Variants in APBA1 observed in about 807,000 individuals in gnomAD.
APBA1 encodes the protein amyloid beta precursor protein binding family A member 1.
APBA1 carries 55 observed loss-of-function variants against 86.6 expected under a neutral mutation model. That is an observed-to-expected ratio of 0.64 (90% CI 0.51 to 0.80). The LOEUF is 0.80. APBA1 is among the 30% of genes least tolerant of loss of function. The pLI is 0.00. For missense variants in APBA1, 1,090 were observed against 1,183.0 expected (o/e 0.92, Z 1.15); for synonymous variants, 511 against 493.9 (o/e 1.03, Z -0.46).
At chr9:69,569,828 GT>G (rs113817016) in intron 1 of APBA1, among the ~76,000 whole-genome samples, 87 of 150,226 alleles carry the variant, frequency 5.8e-4, no homozygotes, top group African/African-American at 1.0e-3. Flanking sequence ...ACTTGCTAGA[GT>G]TTTTTTTTTC....
intron 2 of APBA1, among the ~76,000 whole-genome samples, chr9:69,503,627 T>C (rs1007124152): frequency 5.9e-5 from 9 of 152,168 alleles, no homozygotes; most frequent in Non-Finnish European, 1.3e-4. Flanking sequence ...CTGAGGTAAA[T>C]AATGGAATTG....
chr9:69,449,444 AG>A, intron 10 of APBA1, 139 bp downstream of exon 10: 1 of 761,694 alleles, frequency 1.3e-6, no homozygotes, highest in Non-Finnish European at 2.2e-6. Context: ...CCTGAGTGCA[AG>A]TCCACGCCTT....
intron 1 of APBA1, among the ~76,000 whole-genome samples, chr9:69,584,911 T>C (rs1821989106): frequency 6.6e-6 from 1 of 152,210 alleles, no homozygotes; most frequent in African/African-American, 2.4e-5. Flanking sequence ...AAACTTCTGA[T>C]TACTTAGCAC....
At chr9:69,669,875 G>A (rs570709111) in intron 1 of APBA1, among the ~76,000 whole-genome samples, 1 of 152,284 alleles carries the variant, frequency 6.6e-6, no homozygotes, top group South Asian at 2.1e-4. Context: ...TCTCTAAACA[G>A]GGTATTTACC....
At chr9:69,649,786 GGAGGA>G in intron 1 of APBA1, among the ~76,000 whole-genome samples, 1 of 152,094 alleles carries the variant, frequency 6.6e-6, no homozygotes, top group Non-Finnish European at 1.5e-5. Flanking sequence ...CAGAGGGTCT[GGAGGA>G]ATAACTCATC....
At chr9:69,522,241 GGGTATACAGAAGGT>G (rs1385803538) in intron 1 of APBA1, among the ~76,000 whole-genome samples, 1 of 152,002 alleles carries the variant, frequency 6.6e-6, no homozygotes, top group Non-Finnish European at 1.5e-5. Context: ...CAAGCACAGA[GGGTATACAGAAGGT>G]GGTAAAGGAA....
intron 8 of APBA1, among the ~76,000 whole-genome samples, chr9:69,453,764 C>A (rs2133811613): frequency 6.6e-6 from 1 of 152,356 alleles, no homozygotes; most frequent in Non-Finnish European, 1.5e-5. Context: ...ATTTCTGTGG[C>A]AAAATCTGTA....
chr9:69,500,437 C>G (rs1405855790), intron 2 of APBA1, among the ~76,000 whole-genome samples: 1 of 152,092 alleles, frequency 6.6e-6, no homozygotes, highest in African/African-American at 2.4e-5. Context: ...GATGAGGAAA[C>G]TGAAGGCTGG....
At chr9:69,645,031 G>T (rs1236185577) in intron 1 of APBA1, among the ~76,000 whole-genome samples, 1 of 152,114 alleles carries the variant, frequency 6.6e-6, no homozygotes, top group East Asian at 1.9e-4. Flanking sequence ...GTGGGGGACT[G>T]GGGGTGGGAG....
chr9:69,440,366 G>T (rs1354072517), intron 11 of APBA1, among the ~76,000 whole-genome samples: 8 of 152,040 alleles, frequency 5.3e-5, no homozygotes, highest in Non-Finnish European at 8.8e-5. Context: ...GTTTGTCTGT[G>T]CCCTGCCCCC....
At chr9:69,512,994 A>G (rs1836076848) in intron 2 of APBA1, among the ~76,000 whole-genome samples, 1 of 152,206 alleles carries the variant, frequency 6.6e-6, no homozygotes, top group Non-Finnish European at 1.5e-5. Flanking sequence ...GTAGACCATT[A>G]AAGAGGCAGC....
At chr9:69,467,407 T>A (rs1588301698) in intron 5 of APBA1, among the ~76,000 whole-genome samples, 1 of 152,198 alleles carries the variant, frequency 6.6e-6, no homozygotes, top group Admixed American at 6.5e-5. Flanking sequence ...TTGAACAGGA[T>A]GGGCTGGTTC....
chr9:69,458,956 G>A (rs557869074), intron 5 of APBA1, among the ~76,000 whole-genome samples: 10 of 152,130 alleles, frequency 6.6e-5, no homozygotes, highest in East Asian at 1.9e-4. Context: ...ATAGGCATGC[G>A]CCACCACGCC....
At chr9:69,485,302 C>T (rs1362725591) in intron 2 of APBA1, among the ~76,000 whole-genome samples, 2 of 152,048 alleles carry the variant, frequency 1.3e-5, no homozygotes, top group African/African-American at 4.8e-5. Context: ...ACAGACATGG[C>T]CGCGTGAAGC....
At chr9:69,623,107 A>G (rs1822853553) in intron 1 of APBA1, among the ~76,000 whole-genome samples, 1 of 152,264 alleles carries the variant, frequency 6.6e-6, no homozygotes, top group Admixed American at 6.5e-5. Context: ...AAAACTCTGG[A>G]AAACAGCAAG....
Position 69,516,937 on chromosome 9 carries a change from C to A in APBA1, c.274G>T (p.Ala92Ser). The A allele has an allele frequency of 6.3e-7, 1 of 1,593,998 alleles. No homozygotes were observed. ...ESGFHNHTDT[A>S]EGDVIAAARD... ...GCCGCGGCGATCACGTCGCCCTCGG[C>A]GGTGTCCGTGTGGTTGTGGAAGCCG... Residue 92 changes from alanine to serine, a missense_variant, in exon 2 of 13, where the codon GCC (alanine) becomes TCC (serine). Ala to Ser is a moderately conservative substitution (Grantham distance 99). This residue lies in a region of APBA1 where 678 missense variants were observed against 647.1 expected (regional missense o/e 1.05). Transcript: ENST00000265381. The surrounding 1 kb of genome is among the most constrained non-coding windows in gnomAD (Gnocchi z 7.3).
intron 7 of APBA1, among the ~76,000 whole-genome samples, 159 bp downstream of exon 7, chr9:69,456,894 C>G (rs533880084): frequency 6.6e-6 from 1 of 152,194 alleles, no homozygotes; most frequent in African/African-American, 2.4e-5. Context: ...CCAAACCCCA[C>G]CCAGCAGCAG....
intron 11 of APBA1, among the ~76,000 whole-genome samples, chr9:69,440,364 G>A (rs193114792): frequency 1.3e-5 from 2 of 152,208 alleles, no homozygotes; most frequent in African/African-American, 2.4e-5. Flanking sequence ...TTGTTTGTCT[G>A]TGCCCTGCCC....
At chr9:69,449,545 G>A in intron 10 of APBA1, 39 bp downstream of exon 10, 1 of 1,548,122 alleles carries the variant, frequency 6.5e-7, no homozygotes, top group South Asian at 1.1e-5. Context: ...CATCACTTGA[G>A]GTTTACCACA....
Sources: gnomAD v4.1 joint callset for allele counts (sites outside exome capture counted in the v4.1 genomes callset) on GRCh38, gnomAD v4.1.1 for gene constraint, gnomAD v4.1.1 regional missense constraint, Gnocchi (gnomAD v3.1) non-coding constraint, MANE v1.5 for transcripts, NCBI Gene and HGNC (gene_info 2026-07-23, HGNC 2026-07-21) for gene names.